CNTNAP2: variants seen among roughly 807,000 people sequenced by gnomAD.
The protein encoded by CNTNAP2 is contactin associated protein 2, also known as contactin-associated protein-like 2.
CNTNAP2 carries 98 observed loss-of-function variants against 155.2 expected under a neutral mutation model. The observed-to-expected ratio is 0.63, with a 90% confidence interval of 0.54 to 0.75. The LOEUF (loss-of-function observed/expected upper bound fraction) is 0.75. Ranked by LOEUF, CNTNAP2 falls within the 30% of genes least tolerant of loss-of-function variation. The pLI is 0.00. For missense variants in CNTNAP2, 1,727 were observed against 1,688.1 expected (o/e 1.02, Z -0.40); for synonymous variants, 651 against 631.2 (o/e 1.03, Z -0.47).
At chr7:147,637,458 G>A (rs1254766770) in intron 12 of CNTNAP2, among the ~76,000 whole-genome samples, 1 of 152,118 alleles carries the variant, frequency 6.6e-6, no homozygotes, top group Admixed American at 6.5e-5. Context: ...GAGTTGCCAT[G>A]TACCAAAATA....
chr7:147,187,897 C>CA (rs1802600447), intron 8 of CNTNAP2, among the ~76,000 whole-genome samples: 1 of 151,908 alleles, frequency 6.6e-6, no homozygotes, highest in Non-Finnish European at 1.5e-5. Context: ...CTGTCTCTAC[C>CA]AAAAATATAA....
At chr7:146,310,803 A>G (rs1800808664) in intron 1 of CNTNAP2, among the ~76,000 whole-genome samples, 1 of 152,072 alleles carries the variant, frequency 6.6e-6, no homozygotes, top group Non-Finnish European at 1.5e-5. Flanking sequence ...CCATCCATCC[A>G]TTATGTACTG....
chr7:147,467,963 T>G (rs1798149271), intron 10 of CNTNAP2, among the ~76,000 whole-genome samples: 1 of 152,066 alleles, frequency 6.6e-6, no homozygotes, highest in African/African-American at 2.4e-5. Flanking sequence ...CCCAGGTGTT[T>G]GAGGTTACAG....
chr7:147,612,139 T>C (rs1336368468), intron 12 of CNTNAP2, among the ~76,000 whole-genome samples: 1 of 152,138 alleles, frequency 6.6e-6, no homozygotes, highest in African/African-American at 2.4e-5. Context: ...TTCTAAACAA[T>C]TTTGTAGAAG....
At chr7:148,017,948 C>A (rs79258704) in intron 15 of CNTNAP2, among the ~76,000 whole-genome samples, 5 of 152,156 alleles carry the variant, frequency 3.3e-5, no homozygotes, top group African/African-American at 1.2e-4. Flanking sequence ...TTAAAGGCAG[C>A]GAGTGACATT....
chr7:146,774,334 T>A lies in CNTNAP2; in HGVS notation c.161T>A (p.Ile54Asn). The A allele has an allele frequency of 6.2e-7, 1 of 1,613,950 alleles. No homozygotes were observed. The highest frequency in any genetic ancestry group is 1.7e-5 in the Admixed American group (1 of 60,012). Residue 54 changes from isoleucine (I) to asparagine (N), a missense_variant, in exon 2 of 24, where the codon ATC becomes AAC. Physicochemically the swap from Ile to Asn is moderately radical, Grantham distance 149. Transcript: ENST00000361727. ...PHVAFSSSSSISGSYSPGYAK... is the reference protein window; with the variant it reads ...PHVAFSSSSSNSGSYSPGYAK... ...GTGGCTTTCAGCAGCTCCTCCTCCA[T>A]CTCTGGTAGCTATTCTCCCGGCTAT...
At chr7:146,467,311 G>A (rs78636614) in intron 1 of CNTNAP2, among the ~76,000 whole-genome samples, 2,769 of 152,120 alleles carry the variant, frequency 0.018, 49 homozygotes, top group African/African-American at 0.045. Flanking sequence ...TATTTGTGAT[G>A]GAGTCGTTGA....
chr7:147,636,095 A>C (rs1426334093), intron 12 of CNTNAP2, among the ~76,000 whole-genome samples: 1 of 152,244 alleles, frequency 6.6e-6, no homozygotes, highest in African/African-American at 2.4e-5. Flanking sequence ...AGAATTACTA[A>C]AATATGATGT....
chr7:147,849,342 G>A (rs965770973), intron 13 of CNTNAP2, among the ~76,000 whole-genome samples: 1 of 152,106 alleles, frequency 6.6e-6, no homozygotes, highest in Non-Finnish European at 1.5e-5. Flanking sequence ...TTGTTTGTAG[G>A]GGAAAACAAA....
chr7:146,551,254 C>T (rs145488645), intron 1 of CNTNAP2, among the ~76,000 whole-genome samples: 2 of 152,074 alleles, frequency 1.3e-5, no homozygotes, highest in Non-Finnish European at 2.9e-5. Context: ...CGTCATTTAA[C>T]ATTAGGTATA....
chr7:146,343,684 G>A (rs966351222), intron 1 of CNTNAP2, among the ~76,000 whole-genome samples: 3 of 152,094 alleles, frequency 2.0e-5, no homozygotes, highest in Non-Finnish European at 4.4e-5. Flanking sequence ...TATAAATTGT[G>A]TAAAAGGCAA....
intron 1 of CNTNAP2, among the ~76,000 whole-genome samples, chr7:146,365,744 T>C (rs1052186690): frequency 5.9e-5 from 9 of 152,208 alleles, no homozygotes; most frequent in African/African-American, 2.2e-4. Flanking sequence ...CGTGGTCAAA[T>C]GAAATTCACA....
intron 9 of CNTNAP2, among the ~76,000 whole-genome samples, chr7:147,323,695 A>G (rs1178696403): frequency 6.6e-6 from 1 of 152,206 alleles, no homozygotes; most frequent in Admixed American, 6.5e-5. Context: ...TGGAAAATTC[A>G]TTTAAAGGAG....
rs543483348 is a variant in CNTNAP2 at position 148,318,566 on chromosome 7, G to A, written c.3475+51440G>A. Among the ~76,000 whole-genome samples the A allele has an allele frequency of 2.6e-5, 4 of 152,296 alleles. No individual in the cohort carries two copies. The South Asian group carries it at 8.3e-4, about 32-fold the overall frequency. On this transcript the variant is annotated intron_variant, in intron 21 of 23. Transcript: ENST00000361727. ...AAACTGGTTTTGGTGTTTCTCACTA[G>A]GTGTTTGGACAGCTTGGAACCTGGA... is the stretch of plus-strand genomic sequence containing the variant.
At chr7:146,470,327 G>A (rs950014616) in intron 1 of CNTNAP2, among the ~76,000 whole-genome samples, 2 of 152,034 alleles carry the variant, frequency 1.3e-5, no homozygotes, top group East Asian at 1.9e-4. Context: ...AATAGAAGAT[G>A]AGTTCACAAA....
At chr7:148,116,449 T>C (rs536639847) in intron 15 of CNTNAP2, among the ~76,000 whole-genome samples, 1 of 152,176 alleles carries the variant, frequency 6.6e-6, no homozygotes, top group Admixed American at 6.5e-5. Context: ...TTTCTTTGTC[T>C]TGCATCCACA....
At position 146,784,719 on chromosome 7, in the gene CNTNAP2, C is replaced by T. The variant is rs138990456; in HGVS notation, c.208+10338C>T. Among the ~76,000 whole-genome samples the T allele has an allele frequency of 4.2e-3, 637 of 152,170 alleles. 3 individuals are homozygous for T. Among genetic ancestry groups the T allele is most frequent in the African/African-American group, 0.014 (591 of 41,524 alleles). ...TAGGACCCTGTCGTCACTGAACGCC[C>T]GTTGTGTAGCCAAGAAAGATCATAA... is the stretch of plus-strand genomic sequence containing the variant. On this transcript the variant is annotated intron_variant, in intron 2 of 23. Transcript: ENST00000361727.
At chr7:146,933,702 T>C (rs1177345155) in intron 3 of CNTNAP2, among the ~76,000 whole-genome samples, 3 of 149,970 alleles carry the variant, frequency 2.0e-5, no homozygotes, top group Admixed American at 6.6e-5. Flanking sequence ...GACAAAGGGC[T>C]AGTATCCAGA....
chr7:147,616,187 A>T (rs113530650), intron 12 of CNTNAP2, among the ~76,000 whole-genome samples: 1 of 152,100 alleles, frequency 6.6e-6, no homozygotes, highest in Non-Finnish European at 1.5e-5. Context: ...ATGTATTTCC[A>T]CTTCTCTGTC....
Sources: allele counts gnomAD v4.1 joint callset (sites outside exome capture counted in the v4.1 genomes callset), GRCh38; gene constraint gnomAD v4.1.1; transcripts MANE v1.5; gene names NCBI Gene and HGNC (gene_info 2026-07-23, HGNC 2026-07-21).